Variants in PSME4 observed in about 807,000 individuals in gnomAD.
PSME4 encodes the protein proteasome activator complex subunit 4.
PSME4 carries 89 observed loss-of-function variants against 253.9 expected under a neutral mutation model. The ratio of observed to expected loss-of-function variants is 0.35; its 90% CI spans 0.30 to 0.42. The LOEUF is 0.42. PSME4 is among the 10% of genes least tolerant of loss of function. The pLI is 1.00. For missense variants in PSME4, 2,014 were observed against 2,195.2 expected (o/e 0.92, Z 1.65); for synonymous variants, 851 against 759.2 (o/e 1.12, Z -1.99).
At chr2:53,949,351 T>TTA in intron 1 of PSME4, 68 bp from the exon 2 acceptor site, 1 of 1,062,250 alleles carries the variant, frequency 9.4e-7, no homozygotes, top group Non-Finnish European at 1.3e-6. Context: ...CAATGCAGCA[T>TTA]TATCCATAGA....
intron 17 of PSME4, among the ~76,000 whole-genome samples, chr2:53,921,785 G>T (rs1186999822): frequency 1.4e-5 from 2 of 141,726 alleles, no homozygotes; most frequent in African/African-American, 5.1e-5. Context: ...GGAGAATGGC[G>T]TGAACCCGGG....
chr2:53,963,249 C>T (rs564324597), intron 1 of PSME4, among the ~76,000 whole-genome samples: 109 of 151,972 alleles, frequency 7.2e-4, no homozygotes, highest in African/African-American at 2.4e-3. Flanking sequence ...TCGCTCGAGG[C>T]CAGGAGCTCA....
chr2:53,899,394 C>T (rs1472821824), intron 29 of PSME4, among the ~76,000 whole-genome samples: 2 of 152,064 alleles, frequency 1.3e-5, no homozygotes. Context: ...TTTATACCTC[C>T]ATAGCTTAAA....
chr2:53,970,442 C>G, intron 1 of PSME4, 101 bp downstream of exon 1: 1 of 1,512,184 alleles, frequency 6.6e-7, no homozygotes, highest in Non-Finnish European at 8.8e-7. Context: ...CCAGCGAGGA[C>G]AGAGCTAAGG....
At chr2:53,922,620 T>C (rs780134752) in intron 16 of PSME4, 36 bp from the exon 17 acceptor site, 1 of 1,596,604 alleles carries the variant, frequency 6.3e-7, no homozygotes, top group South Asian at 1.1e-5. Context: ...GGGAAAAACC[T>C]ATGCATTCAA....
At chr2:53,902,262 C>CTAAT (rs1165984453) in intron 27 of PSME4, among the ~76,000 whole-genome samples, 6 of 152,086 alleles carry the variant, frequency 3.9e-5, no homozygotes, top group Non-Finnish European at 5.9e-5. Flanking sequence ...TAGTTAACAC[C>CTAAT]TGGTTGCTGA....
At chr2:53,947,565 G>A (rs1220587103) in intron 3 of PSME4, among the ~76,000 whole-genome samples, 2 of 152,092 alleles carry the variant, frequency 1.3e-5, no homozygotes, top group African/African-American at 2.4e-5. Context: ...AATTAGCCGG[G>A]CGTGGTGGTG....
chr2:53,877,247 CAAAA>C (rs1204678801), intron 41 of PSME4, among the ~76,000 whole-genome samples: 3 of 50,400 alleles, frequency 6.0e-5, no homozygotes, highest in Non-Finnish European at 8.7e-5. Context: ...CCTGCCTCTA[CAAAA>C]AAAAAAAAAA....
intron 41 of PSME4, among the ~76,000 whole-genome samples, chr2:53,880,420 T>A (rs1679328983): frequency 6.7e-6 from 1 of 149,998 alleles, no homozygotes; most frequent in Non-Finnish European, 1.5e-5. Flanking sequence ...CATAGCAAGA[T>A]ATCATCTCTT....
chr2:53,949,040 C>T (rs1669853098), intron 2 of PSME4, 103 bp downstream of exon 2: 2 of 1,373,934 alleles, frequency 1.5e-6, no homozygotes, highest in East Asian at 2.5e-5. Flanking sequence ...TCCAAATTGG[C>T]AATTTGAGAC....
At chr2:53,885,092 C>G (rs1679573545) in intron 41 of PSME4, among the ~76,000 whole-genome samples, 1 of 152,170 alleles carries the variant, frequency 6.6e-6, no homozygotes, top group Non-Finnish European at 1.5e-5. Flanking sequence ...CCACAGCCAA[C>G]CATATCATTA....
At chr2:53,938,649 G>C (rs1214661620) in intron 4 of PSME4, among the ~76,000 whole-genome samples, 2 of 152,006 alleles carry the variant, frequency 1.3e-5, no homozygotes, top group Non-Finnish European at 2.9e-5. Flanking sequence ...GAAAAATTCT[G>C]ATTCTTTCCA....
At chr2:53,900,965 T>C (rs1680370922) in intron 28 of PSME4, among the ~76,000 whole-genome samples, 1 of 152,234 alleles carries the variant, frequency 6.6e-6, no homozygotes, top group Non-Finnish European at 1.5e-5. Flanking sequence ...CATTCAATTT[T>C]AGTTTTCTTC....
intron 41 of PSME4, among the ~76,000 whole-genome samples, chr2:53,877,989 A>T (rs1395133203): frequency 6.6e-6 from 1 of 152,200 alleles, no homozygotes; most frequent in Non-Finnish European, 1.5e-5. Flanking sequence ...GGGATGTTTA[A>T]TATCATACTG....
intron 3 of PSME4, among the ~76,000 whole-genome samples, chr2:53,946,730 GA>G (rs1669727615): frequency 2.6e-5 from 4 of 152,190 alleles, no homozygotes; most frequent in African/African-American, 9.6e-5. Context: ...ACCCTGTGTA[GA>G]GACCCTGTCT....
chr2:53,939,152 C>T (rs779330574), intron 4 of PSME4, among the ~76,000 whole-genome samples: 18 of 152,126 alleles, frequency 1.2e-4, no homozygotes, highest in Non-Finnish European at 2.4e-4. Context: ...ATCTCATATT[C>T]CGAAAATACA....
chr2:53,970,752 C>G lies in PSME4; in HGVS notation c.33G>C (p.Glu11Asp). 1 of 1,545,022 alleles carries G rather than the reference C, an allele frequency of 6.5e-7. No homozygotes were observed. Among genetic ancestry groups the G allele is most frequent in the Non-Finnish European group, 8.7e-7 (1 of 1,145,180 alleles). MEPAERAGVG[E>D]PPEPGGRPEP... Reference sequence around the variant, plus strand: ...CGGGACGCCCGCCCGGCTCCGGGGGCTCTCCGACTCCCGCCCGCTCGGCCG... The same window carrying G: ...CGGGACGCCCGCCCGGCTCCGGGGGGTCTCCGACTCCCGCCCGCTCGGCCG... The change falls in exon 1 of 47, where the codon GAG becomes GAC. Residue 11 changes from glutamate (E) to aspartate (D), a missense_variant. Coordinates refer to ENST00000404125, the MANE Select transcript of PSME4 (RefSeq NM_014614.3).
intron 1 of PSME4, among the ~76,000 whole-genome samples, chr2:53,962,966 C>T (rs528474421): frequency 6.0e-5 from 9 of 150,648 alleles, no homozygotes; most frequent in Middle Eastern, 3.4e-3. Flanking sequence ...GCCGAGATCG[C>T]GCCACTGCAC....
At chr2:53,914,323 G>C (rs1667961508) in intron 20 of PSME4, among the ~76,000 whole-genome samples, 1 of 152,148 alleles carries the variant, frequency 6.6e-6, no homozygotes, top group South Asian at 2.1e-4. Context: ...ACTCTGGAAA[G>C]ACATAATCCA....
Sources: gnomAD v4.1 joint callset for allele counts (sites outside exome capture counted in the v4.1 genomes callset) on GRCh38, gnomAD v4.1.1 for gene constraint, MANE v1.5 for transcripts, NCBI Gene and HGNC (gene_info 2026-07-23, HGNC 2026-07-21) for gene names.